Variants in PCDH11X observed in about 807,000 individuals in gnomAD.
PCDH11X encodes protocadherin-11 X-linked.
Under a neutral mutation model 53.3 loss-of-function variants are expected in PCDH11X, and 18 were observed. That is an observed-to-expected ratio of 0.34 (90% CI 0.23 to 0.50). PCDH11X has a LOEUF of 0.50. PCDH11X is among the 20% of genes least tolerant of loss of function. The pLI, the probability that PCDH11X is intolerant of heterozygous loss-of-function variation, is 0.98. For missense variants in PCDH11X, 570 were observed against 1,032.4 expected (o/e 0.55, Z 6.14); for synonymous variants, 279 against 393.3 (o/e 0.71, Z 3.44).
At chrX:91,925,489 G>A (rs5942098) in intron 6 of PCDH11X, among the ~76,000 whole-genome samples, 23,665 of 110,421 alleles carry the variant, frequency 0.21, 2,309 homozygotes, top group Admixed American at 0.48. Flanking sequence ...ATGAATGTAT[G>A]ATCTAGCAGT....
At chrX:91,981,650 G>C (rs1371715797) in intron 6 of PCDH11X, among the ~76,000 whole-genome samples, 2 of 111,518 alleles carry the variant, frequency 1.8e-5, no homozygotes, top group Non-Finnish European at 3.8e-5. Flanking sequence ...AAAAGAAAGA[G>C]GTTTATTGGA....
chrX:92,230,788 T>G (rs2067062513), intron 7 of PCDH11X, among the ~76,000 whole-genome samples: 1 of 108,031 alleles, frequency 9.3e-6, no homozygotes, highest in Non-Finnish European at 1.9e-5. Flanking sequence ...AACTTGCCAG[T>G]GCTGCTGATA....
At chrX:92,201,562 T>C in intron 7 of PCDH11X, 107 bp downstream of exon 7, 2 of 435,677 alleles carry the variant, frequency 4.6e-6, no homozygotes, top group Non-Finnish European at 7.6e-6. Flanking sequence ...TTCCCTTACA[T>C]TTCTTCAGGT....
Position 92,565,931 on chromosome X carries a change from C to A in PCDH11X, c.3368-52333C>A, listed in dbSNP as rs1378152380. 2.8e-5 allele frequency among the ~76,000 whole-genome samples: 3 copies of A among 105,908 alleles called. No homozygotes were observed. The Admixed American group carries it at 3.1e-4, about 11-fold the overall frequency. The allele number at this position is 105,908 out of a possible 115,157, so 92.0% of individuals were successfully genotyped here. A position where few individuals can be genotyped will look rare whatever the true frequency, so the allele number is the denominator to read the frequency against. Reference sequence around the variant, plus strand: ...AATATGTACACCTGCTATTTACCTACAAAAATTAAAAATTTTGAACAATAT... The same window carrying A: ...AATATGTACACCTGCTATTTACCTAAAAAAATTAAAAATTTTGAACAATAT... On this transcript the variant is annotated intron_variant, in intron 10 of 10. Transcript: ENST00000682573.
At chrX:92,177,573 A>AT (rs1017096377) in intron 6 of PCDH11X, among the ~76,000 whole-genome samples, 1 of 111,545 alleles carries the variant, frequency 9.0e-6, no homozygotes, top group African/African-American at 3.3e-5. Context: ...AGCCAAACAA[A>AT]TTTTTCCCTC....
chrX:92,196,987 T>C (rs1443248656), intron 6 of PCDH11X, among the ~76,000 whole-genome samples: 1 of 111,720 alleles, frequency 9.0e-6, no homozygotes, highest in Non-Finnish European at 1.9e-5. Flanking sequence ...CATTTTATTA[T>C]AGTAACTCAG....
intron 9 of PCDH11X, among the ~76,000 whole-genome samples, chrX:92,424,799 C>G (rs1458602861): frequency 1.0e-5 from 1 of 96,980 alleles, no homozygotes; most frequent in Non-Finnish European, 2.3e-5. Flanking sequence ...TTTCAGAGTC[C>G]TCGGGTAGTT....
At chrX:92,267,041 G>A (rs886539194) in intron 8 of PCDH11X, among the ~76,000 whole-genome samples, 8 of 111,543 alleles carry the variant, frequency 7.2e-5, no homozygotes, top group East Asian at 5.6e-4. Flanking sequence ...CACTGCACCC[G>A]GCCTACTTAT....
At chrX:92,331,318 C>CTTCTTCTTCTTCTTCTTCTTCTTCTTCTT (rs58451818) in intron 8 of PCDH11X, among the ~76,000 whole-genome samples, 1 of 92,624 alleles carries the variant, frequency 1.1e-5, no homozygotes, top group Admixed American at 1.3e-4. Flanking sequence ...TCTTCTTCTT[C>CTTCTTCTTCTTCTTCTTCTTCTTCTTCTT]CTCTTCTTCT....
chrX:92,242,057 A>G (rs1370796094), intron 7 of PCDH11X, among the ~76,000 whole-genome samples: 1 of 108,492 alleles, frequency 9.2e-6, no homozygotes, highest in Non-Finnish European at 1.9e-5. Flanking sequence ...AGATCATGCC[A>G]CTGCACTCCA....
intron 6 of PCDH11X, among the ~76,000 whole-genome samples, chrX:92,072,433 A>T (rs760739205): frequency 9.0e-6 from 1 of 111,360 alleles, no homozygotes; most frequent in Non-Finnish European, 1.9e-5. Flanking sequence ...TCAGAGGCTC[A>T]CTAAGACCTC....
intron 6 of PCDH11X, among the ~76,000 whole-genome samples, chrX:91,965,816 A>T (rs1282612795): frequency 8.9e-6 from 1 of 112,020 alleles, no homozygotes; most frequent in Admixed American, 9.5e-5. Context: ...AATTTTTAGA[A>T]GCCCACATTT....
chrX:92,487,893 G>A (rs758126429), intron 10 of PCDH11X, among the ~76,000 whole-genome samples: 1 of 111,533 alleles, frequency 9.0e-6, no homozygotes, highest in South Asian at 3.8e-4. Context: ...ACCCTACAAT[G>A]GTGTGATTGA....
At chrX:92,507,816 G>A (rs1264791701) in intron 10 of PCDH11X, among the ~76,000 whole-genome samples, 1 of 76,002 alleles carries the variant, frequency 1.3e-5, no homozygotes, top group Non-Finnish European at 2.7e-5. Flanking sequence ...TTGAACCACA[G>A]GAACATTTTT....
rs1359432822 is a variant in PCDH11X at position 92,330,109 on chromosome X, C to T, written c.3145-57626C>T. 4.6e-5 allele frequency among the ~76,000 whole-genome samples: 5 copies of T among 109,744 alleles called. No homozygotes were observed. The East Asian group carries it at 8.6e-4, about 19-fold the overall frequency. On this transcript the variant is annotated intron_variant, in intron 8 of 10. Transcript: ENST00000682573. ...CTCATGTAACCCATAAGTATATACA[C>T]CTACTATATACCCGCAAATTAAAAA...
chrX:91,838,523 G>T lies in PCDH11X; in HGVS notation c.540+2479G>T, dbSNP rs192976215. Among the ~76,000 whole-genome samples the T allele has an allele frequency of 4.5e-5, 5 of 111,326 alleles. No homozygotes were observed. In the East Asian group the frequency reaches 1.4e-3, roughly 31 times the overall value. ...ATGACATGGGCGACTTTAACTGAAT[G>T]CACTTTGACTCGCAAAAAGGCCCTG... On this transcript the variant is annotated intron_variant, in intron 5 of 10. Coordinates refer to ENST00000682573, the MANE Select transcript of PCDH11X (RefSeq NM_032968.5).
At chrX:92,147,917 TC>T (rs1292590443) in intron 6 of PCDH11X, among the ~76,000 whole-genome samples, 1 of 98,726 alleles carries the variant, frequency 1.0e-5, no homozygotes, top group Non-Finnish European at 2.0e-5. Context: ...TCTCTCTTTC[TC>T]CTTTCTTCCT....
intron 4 of PCDH11X, among the ~76,000 whole-genome samples, chrX:91,824,859 G>C (rs972976720): frequency 9.3e-6 from 1 of 107,315 alleles, no homozygotes; most frequent in Non-Finnish European, 1.9e-5. Flanking sequence ...TTTTGGTGTG[G>C]ATGTCCTTTC....
intron 10 of PCDH11X, among the ~76,000 whole-genome samples, chrX:92,539,541 T>A (rs1188939146): frequency 1.8e-5 from 2 of 111,501 alleles, no homozygotes; most frequent in Non-Finnish European, 1.9e-5. Flanking sequence ...AACACAGCTA[T>A]TTTGAATTAT....
Sources: gnomAD v4.1 joint callset for allele counts (sites outside exome capture counted in the v4.1 genomes callset) on GRCh38, gnomAD v4.1.1 for gene constraint, MANE v1.5 for transcripts, NCBI Gene and HGNC (gene_info 2026-07-23, HGNC 2026-07-21) for gene names.